The following GRIP1 variants were observed in gnomAD, a reference collection of about 807,000 sequenced individuals.
GRIP1 encodes the protein glutamate receptor interacting protein 1.
Under a neutral mutation model 129.9 loss-of-function variants are expected in GRIP1, and 45 were observed. The ratio of observed to expected loss-of-function variants is 0.35; its 90% CI spans 0.27 to 0.44. GRIP1 has a LOEUF of 0.44. GRIP1 is among the 20% of genes least tolerant of loss of function. GRIP1 has a pLI of 1.00. For missense variants in GRIP1, 1,196 were observed against 1,396.8 expected (o/e 0.86, Z 2.29); for synonymous variants, 530 against 520.8 (o/e 1.02, Z -0.24).
intron 2 of GRIP1, among the ~76,000 whole-genome samples, chr12:66,547,721 C>T (rs755903136): frequency 1.3e-5 from 2 of 152,086 alleles, no homozygotes; most frequent in Non-Finnish European, 2.9e-5. Context: ...CTTGAAATGA[C>T]AAAATTATAG....
At chr12:66,841,013 G>T (rs570829457) in intron 1 of GRIP1, among the ~76,000 whole-genome samples, 197 of 152,162 alleles carry the variant, frequency 1.3e-3, no homozygotes, top group African/African-American at 4.6e-3. Context: ...TTAGTATAAG[G>T]TTATTTCAAA....
intron 16 of GRIP1, among the ~76,000 whole-genome samples, chr12:66,397,919 G>C (rs2056854257): frequency 6.6e-6 from 1 of 152,182 alleles, no homozygotes; most frequent in African/African-American, 2.4e-5. Flanking sequence ...CCCTTAGAAA[G>C]CCCTATGTGG....
intron 1 of GRIP1, among the ~76,000 whole-genome samples, chr12:66,740,892 G>T (rs1051002907): frequency 2.0e-4 from 31 of 152,258 alleles, no homozygotes; most frequent in East Asian, 1.7e-3. Flanking sequence ...ACCCTGGGTG[G>T]AGGAGTTCAT....
intron 1 of GRIP1, among the ~76,000 whole-genome samples, chr12:66,904,901 AC>A (rs2040905233): frequency 6.6e-6 from 1 of 151,792 alleles, no homozygotes; most frequent in African/African-American, 2.4e-5. Flanking sequence ...AAAAAAAAAA[AC>A]AAAAAAAAGT....
chr12:66,958,805 T>A (rs2041880974), intron 1 of GRIP1, among the ~76,000 whole-genome samples: 1 of 152,210 alleles, frequency 6.6e-6, no homozygotes, highest in South Asian at 2.1e-4. Flanking sequence ...TAACTGGTTA[T>A]TTCCTTAGGA....
chr12:66,762,460 T>C (rs1391410880), intron 1 of GRIP1, among the ~76,000 whole-genome samples: 1 of 152,254 alleles, frequency 6.6e-6, no homozygotes, highest in African/African-American at 2.4e-5. Context: ...CATTTTCCTG[T>C]TACTTGTTAA....
At chr12:66,550,597 C>T (rs906974396) in intron 2 of GRIP1, among the ~76,000 whole-genome samples, 2 of 152,106 alleles carry the variant, frequency 1.3e-5, no homozygotes, top group Non-Finnish European at 2.9e-5. Context: ...TATCCATATA[C>T]CCTACTTTAG....
intron 19 of GRIP1, among the ~76,000 whole-genome samples, chr12:66,388,889 T>C (rs780710223): frequency 1.3e-5 from 2 of 152,222 alleles, no homozygotes; most frequent in African/African-American, 2.4e-5. Flanking sequence ...TGTATCCACA[T>C]GGTCTATGGG....
intron 1 of GRIP1, among the ~76,000 whole-genome samples, chr12:66,948,470 T>C (rs2041705278): frequency 6.6e-6 from 1 of 152,188 alleles, no homozygotes; most frequent in African/African-American, 2.4e-5. Flanking sequence ...TACAAAAAGA[T>C]ACTCAAGATG....
At chr12:66,459,449 TG>T (rs1353789863) in intron 9 of GRIP1, among the ~76,000 whole-genome samples, 1 of 152,180 alleles carries the variant, frequency 6.6e-6, no homozygotes, top group African/African-American at 2.4e-5. Context: ...GTACGGTGAA[TG>T]CACTTCGGGA....
chr12:66,777,337 C>T (rs1185680189), intron 1 of GRIP1, among the ~76,000 whole-genome samples: 1 of 152,152 alleles, frequency 6.6e-6, no homozygotes, highest in Admixed American at 6.5e-5. Flanking sequence ...TCTTGGAACA[C>T]CCTTCCCCCT....
chr12:66,528,134 G>GTTTTTTTTTTTGTTT (rs1565829896), intron 5 of GRIP1, among the ~76,000 whole-genome samples: 4 of 99,240 alleles, frequency 4.0e-5, no homozygotes, highest in Non-Finnish European at 5.6e-5. Context: ...GAATTAGTAG[G>GTTTTTTTTTTTGTTT]TTTTTTTTTT....
chr12:66,819,816 A>G (rs1370422128), intron 1 of GRIP1, among the ~76,000 whole-genome samples: 1 of 151,868 alleles, frequency 6.6e-6, no homozygotes, highest in Non-Finnish European at 1.5e-5. Context: ...AGGGCAAACC[A>G]CTGCCCACAA....
At chr12:66,362,401 C>A (rs1283966645) in intron 23 of GRIP1, among the ~76,000 whole-genome samples, 1 of 149,484 alleles carries the variant, frequency 6.7e-6, no homozygotes, top group East Asian at 1.9e-4. Flanking sequence ...GATCCACCCG[C>A]CTTGGCCTCC....
intron 1 of GRIP1, among the ~76,000 whole-genome samples, chr12:66,719,643 A>G (rs1178875682): frequency 2.0e-5 from 3 of 152,224 alleles, no homozygotes; most frequent in Non-Finnish European, 4.4e-5. Context: ...ATGAAACATC[A>G]TTAAATTTGA....
At chr12:66,730,465 T>C (rs757183881) in intron 1 of GRIP1, among the ~76,000 whole-genome samples, 21 of 152,154 alleles carry the variant, frequency 1.4e-4, no homozygotes, top group Non-Finnish European at 1.8e-4. Flanking sequence ...TAAGTTTATA[T>C]TTACAATTTC....
intron 1 of GRIP1, among the ~76,000 whole-genome samples, chr12:66,691,264 T>TG (rs1431892149): frequency 6.6e-6 from 1 of 152,224 alleles, no homozygotes; most frequent in Non-Finnish European, 1.5e-5. Context: ...TTTGTATCTG[T>TG]GGTCCTGGTG....
intron 1 of GRIP1, among the ~76,000 whole-genome samples, chr12:66,639,620 A>C (rs1165019415): frequency 6.6e-6 from 1 of 152,214 alleles, no homozygotes; most frequent in Admixed American, 6.5e-5. Flanking sequence ...AGAACCACAG[A>C]AAAGAATGAT....
chr12:66,797,677 A>G (rs2038740181), intron 1 of GRIP1, among the ~76,000 whole-genome samples: 1 of 152,170 alleles, frequency 6.6e-6, no homozygotes, highest in Admixed American at 6.6e-5. Flanking sequence ...CAAACTTGAA[A>G]CTAGCTGATC....
Sources: allele counts gnomAD v4.1 joint callset (sites outside exome capture counted in the v4.1 genomes callset), GRCh38; gene constraint gnomAD v4.1.1; transcripts MANE v1.5; gene names NCBI Gene and HGNC (gene_info 2026-07-23, HGNC 2026-07-21).